NME7: variants seen among roughly 807,000 people sequenced by gnomAD.
NME7 encodes the protein NME/NM23 family member 7.
In NME7, 41 loss-of-function variants were observed where a neutral mutation model predicts 49.1. The ratio of observed to expected loss-of-function variants is 0.83; its 90% CI spans 0.65 to 1.08. The LOEUF is 1.08. Among genes scored for constraint, NME7 ranks in the 50% least tolerant of loss-of-function variants. The probability of loss-of-function intolerance (pLI) is 0.00; values close to 1 mark genes in which losing one functional copy is unlikely to be tolerated. For missense variants in NME7, 423 were observed against 463.4 expected, an observed-to-expected ratio of 0.91 and a Z score of 0.80; for synonymous variants, 139 against 150.6, an observed-to-expected ratio of 0.92 and a Z score of 0.56.
chr1:169,329,800 C>A (rs1469120823), intron 1 of NME7, among the ~76,000 whole-genome samples: 1 of 152,022 alleles, frequency 6.6e-6, no homozygotes, highest in East Asian at 1.9e-4. Context: ...GAGACCTTCC[C>A]AAACCTAGAG....
intron 11 of NME7, among the ~76,000 whole-genome samples, chr1:169,137,898 A>AC (rs932006931): frequency 6.6e-6 from 1 of 151,980 alleles, no homozygotes; most frequent in Admixed American, 6.6e-5. Flanking sequence ...CTGCAGATGT[A>AC]CCCCCCACAA....
chr1:169,268,116 C>T (rs1229019650), intron 7 of NME7, among the ~76,000 whole-genome samples: 1 of 132,370 alleles, frequency 7.6e-6, no homozygotes, highest in East Asian at 2.0e-4. Context: ...AACCCCATAA[C>T]ACAGTGGGTG....
chr1:169,250,595 T>C (rs139076402), intron 7 of NME7, among the ~76,000 whole-genome samples: 52 of 152,216 alleles, frequency 3.4e-4, no homozygotes, highest in African/African-American at 1.2e-3. Context: ...TCAGATTTTT[T>C]AATGTAGGTA....
chr1:169,218,659 ATT>A (rs34342694), intron 10 of NME7, among the ~76,000 whole-genome samples: 49 of 118,172 alleles, frequency 4.1e-4, no homozygotes, highest in Non-Finnish European at 5.8e-4. Context: ...CCAATTTTGA[ATT>A]TTTTTTTTTT....
At chr1:169,241,812 A>G (rs1254035953) in intron 7 of NME7, among the ~76,000 whole-genome samples, 1 of 151,610 alleles carries the variant, frequency 6.6e-6, no homozygotes, top group Admixed American at 6.6e-5. Flanking sequence ...TTGTATACAT[A>G]GGATAATTCC....
intron 11 of NME7, among the ~76,000 whole-genome samples, chr1:169,150,285 A>C (rs1200490007): frequency 6.6e-6 from 1 of 152,184 alleles, no homozygotes. Context: ...CAGCTGAGAA[A>C]AATATATTTA....
rs532728096 is a variant in NME7 at position 169,274,937 on chromosome 1, G to C, written c.754+12366C>G. On this transcript the variant is annotated intron_variant, in intron 7 of 11. Coordinates refer to ENST00000367811, the MANE Select transcript of NME7 (RefSeq NM_013330.5). ...CTTTGTTCTTTTGGCTTAGGATTGA[G>C]TTGGCGATGTGGGCTCTTTTTTGGT... is the stretch of plus-strand genomic sequence containing the variant. 1.1e-4 allele frequency among the ~76,000 whole-genome samples: 15 copies of C among 133,024 alleles called. 3 individuals are homozygous for C. The East Asian group carries it at 2.2e-3, about 20-fold the overall frequency. The allele number at this position is 133,024 out of a possible 152,430, so 87.3% of individuals were successfully genotyped here.
intron 1 of NME7, among the ~76,000 whole-genome samples, chr1:169,355,693 C>T (rs12401962): frequency 0.083 from 12,574 of 152,002 alleles, 707 homozygotes; most frequent in Admixed American, 0.19. Flanking sequence ...CAGGTCTCCA[C>T]TCATATGTCA....
intron 4 of NME7, among the ~76,000 whole-genome samples, chr1:169,307,642 T>C (rs1280474744): frequency 6.6e-6 from 1 of 152,138 alleles, no homozygotes; most frequent in African/African-American, 2.4e-5. Flanking sequence ...GGAAGTTAGA[T>C]ACCAAGTCAT....
chr1:169,290,325 C>T (rs1650448436), intron 6 of NME7, among the ~76,000 whole-genome samples: 1 of 151,988 alleles, frequency 6.6e-6, no homozygotes, highest in African/African-American at 2.4e-5. Flanking sequence ...CAGTATAGAT[C>T]AATGGAACAG....
chr1:169,153,468 A>G (rs1212024212), intron 11 of NME7, among the ~76,000 whole-genome samples: 1 of 152,102 alleles, frequency 6.6e-6, no homozygotes, highest in Non-Finnish European at 1.5e-5. Flanking sequence ...CTGTGTGTAT[A>G]AAAATCTGCC....
At chr1:169,154,971 T>A (rs12745732) in intron 11 of NME7, among the ~76,000 whole-genome samples, 59,940 of 151,824 alleles carry the variant, frequency 0.39, 12,185 homozygotes, top group East Asian at 0.74. Flanking sequence ...TTGTATAATT[T>A]AAAAAAATTT....
At chr1:169,194,780 A>T (rs1299652986) in intron 10 of NME7, among the ~76,000 whole-genome samples, 1 of 152,226 alleles carries the variant, frequency 6.6e-6, no homozygotes, top group African/African-American at 2.4e-5. Context: ...TCAAAACTAA[A>T]TTCAAAATGT....
chr1:169,186,830 T>C (rs139262245), intron 10 of NME7, among the ~76,000 whole-genome samples: 1,703 of 152,266 alleles, frequency 0.011, 37 homozygotes, highest in African/African-American at 0.039. Flanking sequence ...CTGGTTTTTT[T>C]AATTGTGATG....
intron 11 of NME7, among the ~76,000 whole-genome samples, chr1:169,155,610 A>G (rs899273514): frequency 6.6e-6 from 1 of 152,234 alleles, no homozygotes; most frequent in African/African-American, 2.4e-5. Flanking sequence ...GAGACAGTCC[A>G]TTATTCTGTG....
At chr1:169,157,041 T>C (rs757459303) in intron 11 of NME7, among the ~76,000 whole-genome samples, 6 of 152,196 alleles carry the variant, frequency 3.9e-5, no homozygotes, top group Non-Finnish European at 7.4e-5. Flanking sequence ...CTGGTGGACG[T>C]GGCCTTTTTA....
At chr1:169,299,503 C>T (rs1417891754) in intron 5 of NME7, among the ~76,000 whole-genome samples, 1 of 152,078 alleles carries the variant, frequency 6.6e-6, no homozygotes, top group East Asian at 1.9e-4. Flanking sequence ...GTGACATCCT[C>T]CCTCTGACTA....
At chr1:169,143,483 C>T (rs1035896871) in intron 11 of NME7, among the ~76,000 whole-genome samples, 1 of 152,048 alleles carries the variant, frequency 6.6e-6, no homozygotes, top group African/African-American at 2.4e-5. Flanking sequence ...CCAGGTTCCC[C>T]GATTACAACT....
chr1:169,309,684 A>G (rs969904045), intron 4 of NME7, among the ~76,000 whole-genome samples: 1 of 152,108 alleles, frequency 6.6e-6, no homozygotes, highest in Non-Finnish European at 1.5e-5. Context: ...CCTGTTTCTC[A>G]ATTCCACAGA....
Sources: allele counts gnomAD v4.1 joint callset (sites outside exome capture counted in the v4.1 genomes callset), GRCh38; gene constraint gnomAD v4.1.1; transcripts MANE v1.5; gene names NCBI Gene and HGNC (gene_info 2026-07-23, HGNC 2026-07-21).